PDCD11: variants seen among roughly 807,000 people sequenced by gnomAD.
PDCD11 encodes protein RRP5 homolog.
In PDCD11, 97 loss-of-function variants were observed where a neutral mutation model predicts 198.9. The observed-to-expected ratio is 0.49, with a 90% CI of 0.41 to 0.58. PDCD11 has a LOEUF of 0.58. Among genes scored for constraint, PDCD11 ranks in the 20% least tolerant of loss-of-function variants. PDCD11 has a pLI of 0.00. For missense variants in PDCD11, 2,102 were observed against 2,312.7 expected (o/e 0.91, Z 1.87); for synonymous variants, 893 against 918.0 (o/e 0.97, Z 0.49).
intron 21 of PDCD11, 107 bp downstream of exon 21, chr10:103,427,498 C>A: frequency 1.1e-6 from 1 of 930,516 alleles, no homozygotes; most frequent in Non-Finnish European, 1.6e-6. Context: ...TTGATTTTTG[C>A]CTTTCTCTGT....
At chr10:103,408,246 T>C (rs2030580022) in intron 7 of PDCD11, among the ~76,000 whole-genome samples, 1 of 152,146 alleles carries the variant, frequency 6.6e-6, no homozygotes, top group Admixed American at 6.5e-5. Flanking sequence ...CTAGTTGCTC[T>C]GTAGGGCTCC....
chr10:103,425,652 T>A, intron 20 of PDCD11, 127 bp downstream of exon 20: 1 of 731,572 alleles, frequency 1.4e-6, no homozygotes, highest in Non-Finnish European at 2.3e-6. Flanking sequence ...CAAAAGGCAT[T>A]CACCAAAGAA....
At chr10:103,444,202 C>A in intron 34 of PDCD11, 134 bp downstream of exon 34, 1 of 739,210 alleles carries the variant, frequency 1.4e-6, no homozygotes, top group Non-Finnish European at 2.2e-6. Context: ...TGATTCTCTG[C>A]CCCTCAGCAT....
chr10:103,410,571 A>G (rs1054138704), intron 8 of PDCD11, among the ~76,000 whole-genome samples: 1 of 150,044 alleles, frequency 6.7e-6, no homozygotes, highest in African/African-American at 2.4e-5. Context: ...GTTAATAGTG[A>G]TGAATTCTGG....
chr10:103,431,005 G>T (rs1592135682), intron 21 of PDCD11, among the ~76,000 whole-genome samples: 1 of 151,904 alleles, frequency 6.6e-6, no homozygotes, highest in Admixed American at 6.6e-5. Context: ...TCATCATGTT[G>T]GCCAGGCTGT....
intron 21 of PDCD11, among the ~76,000 whole-genome samples, chr10:103,430,383 G>C (rs192147904): frequency 6.6e-6 from 1 of 152,222 alleles, no homozygotes; most frequent in African/African-American, 2.4e-5. Context: ...CATTTAGGTT[G>C]CTTGTGCCTC....
intron 16 of PDCD11, 72 bp from the exon 17 acceptor site, chr10:103,421,276 C>A: frequency 8.0e-7 from 1 of 1,255,004 alleles, no homozygotes; most frequent in Non-Finnish European, 1.1e-6. Context: ...GTACCCCTTT[C>A]CAGGAACATC....
chr10:103,439,920 C>T (rs1268366726), intron 28 of PDCD11, 52 bp downstream of exon 28: 3 of 1,607,204 alleles, frequency 1.9e-6, no homozygotes, highest in African/African-American at 1.3e-5. Context: ...AAACCCCTTT[C>T]TCCAGGAGCC....
intron 3 of PDCD11, among the ~76,000 whole-genome samples, chr10:103,401,877 G>A (rs963151855): frequency 1.3e-5 from 2 of 151,956 alleles, no homozygotes; most frequent in Non-Finnish European, 2.9e-5. Context: ...TGAGTAGCTG[G>A]GACTACAGGC....
chr10:103,406,393 G>A (rs139197995), intron 6 of PDCD11, among the ~76,000 whole-genome samples: 5 of 152,294 alleles, frequency 3.3e-5, no homozygotes, highest in African/African-American at 1.2e-4. Context: ...CAGTCTCCTG[G>A]CTTGTGTATT....
intron 26 of PDCD11, among the ~76,000 whole-genome samples, 174 bp downstream of exon 26, chr10:103,438,245 C>T (rs1489343762): frequency 6.6e-6 from 1 of 152,202 alleles, no homozygotes; most frequent in African/African-American, 2.4e-5. Context: ...TGCAAGAATC[C>T]TGTCTGCTCA....
intron 2 of PDCD11, chr10:103,399,628 T>C (rs1328473146): frequency 6.6e-6 from 1 of 152,176 alleles, no homozygotes; most frequent in Admixed American, 6.5e-5. Context: ...GGAACTAACA[T>C]TTGAGTGTGT....
Position 103,442,078 on chromosome 10 carries a change from G to T in PDCD11, c.4707+103G>T, listed in dbSNP as rs1592143152. ...GTGTCTTCCTGGGTGAGTGGGGGAG[G>T]GGGCAGCGGCCAGTCCCAGGCCAGG... On this transcript the variant is annotated intron_variant, in intron 31 of 35. Transcript: ENST00000369797. 5.2e-6 allele frequency: 8 copies of T among 1,551,404 alleles called. No homozygotes were observed. The East Asian group carries it at 1.8e-4, about 35-fold the overall frequency.
intron 12 of PDCD11, among the ~76,000 whole-genome samples, chr10:103,415,354 G>A (rs1592122390): frequency 1.3e-5 from 2 of 152,308 alleles, no homozygotes; most frequent in East Asian, 1.9e-4. Flanking sequence ...TGATGAGAGA[G>A]CAAGCCAGCC....
At position 103,446,164 on chromosome 10, in the gene PDCD11, T is replaced by C. The variant is rs2032599344; in HGVS notation, c.*615T>C. 6.5e-6 allele frequency: 1 copy of C among 152,836 alleles called. No homozygotes were observed. The highest frequency in any genetic ancestry group is 2.1e-4 in the South Asian group (1 of 4,848). The allele number at this position is 152,836 out of a possible 1,614,324, so 9.5% of individuals were successfully genotyped here. On this transcript the variant is annotated 3_prime_UTR_variant, in exon 36 of 36. Transcript: ENST00000369797. Reference sequence around the variant, plus strand: ...ATGATGTCTCATCCCACGCCCACTATGGCCACATTACCTAACCTCTCCATA... The same window carrying C: ...ATGATGTCTCATCCCACGCCCACTACGGCCACATTACCTAACCTCTCCATA...
intron 8 of PDCD11, among the ~76,000 whole-genome samples, chr10:103,412,249 C>T (rs546500817): frequency 6.6e-6 from 1 of 152,080 alleles, no homozygotes; most frequent in African/African-American, 2.4e-5. Context: ...CAACCTCTGC[C>T]TCCCCATTTT....
chr10:103,437,209 G>A (rs893482061), intron 25 of PDCD11, among the ~76,000 whole-genome samples: 5 of 151,938 alleles, frequency 3.3e-5, no homozygotes, highest in African/African-American at 9.7e-5. Flanking sequence ...TGGTGTGATC[G>A]TAGCTCACTG....
rs1309188087 is a variant in PDCD11, at chr10:103,440,770, TCAGA to T, written c.4478_4481del (p.Ser1493TrpfsTer50). 1 of 1,613,836 alleles carries T rather than the reference TCAGA, an allele frequency of 6.2e-7. No individual in the cohort carries two copies. Among genetic ancestry groups the T allele is most frequent in the Non-Finnish European group, 8.5e-7 (1 of 1,179,966 alleles). ...CAAGAAGCCAAAGAAAGCCGGCCTG[TCAGA>T]GGAGGACGACAGCCTTGTGGACGTG... On this transcript the variant is annotated frameshift_variant, in exon 30 of 36. Coordinates refer to ENST00000369797, the MANE Select transcript of PDCD11 (RefSeq NM_014976.2). LOFTEE classifies it high-confidence loss of function.
intron 11 of PDCD11, 137 bp downstream of exon 11, chr10:103,414,467 A>T (rs1390042377): frequency 1.6e-6 from 1 of 639,762 alleles, no homozygotes; most frequent in African/African-American, 1.8e-5. Context: ...TGCTGACTAG[A>T]ATTTCTTTCT....
Sources: gnomAD v4.1 joint callset for allele counts (sites outside exome capture counted in the v4.1 genomes callset) on GRCh38, gnomAD v4.1.1 for gene constraint, MANE v1.5 for transcripts, NCBI Gene and HGNC (gene_info 2026-07-23, HGNC 2026-07-21) for gene names.